GABRB3: variants seen among roughly 807,000 people sequenced by gnomAD.
GABRB3 encodes gamma-aminobutyric acid type A receptor subunit beta3, also known as gamma-aminobutyric acid receptor subunit beta-3.
In GABRB3, 14 loss-of-function variants were observed where a neutral mutation model predicts 52.1. The ratio of observed to expected loss-of-function variants is 0.27; its 90% CI spans 0.18 to 0.42. GABRB3 has a LOEUF of 0.42. Ranked by LOEUF, GABRB3 falls within the 10% of genes least tolerant of loss-of-function variation. The probability of loss-of-function intolerance (pLI) is 1.00; values close to 1 mark genes in which losing one functional copy is unlikely to be tolerated. For synonymous variants in GABRB3, 260 were observed against 232.3 expected, an observed-to-expected ratio of 1.12 and a Z score of -1.08; for missense variants, 307 against 609.1, an observed-to-expected ratio of 0.50 and a Z score of 5.22.
At chr15:26,701,645 G>A (rs1888939287) in intron 3 of GABRB3, among the ~76,000 whole-genome samples, 2 of 152,144 alleles carry the variant, frequency 1.3e-5, no homozygotes, top group African/African-American at 4.8e-5. Context: ...TATTGCTAAG[G>A]TGTCAATTCT....
chr15:26,772,162 G>A, intron 3 of GABRB3: 1 of 443,394 alleles, frequency 2.3e-6, no homozygotes, highest in South Asian at 3.7e-5. Context: ...GGCCGGCCAG[G>A]ACTCCCCCGC....
chr15:26,675,181 C>T (rs1888028393), intron 3 of GABRB3, among the ~76,000 whole-genome samples: 1 of 152,160 alleles, frequency 6.6e-6, no homozygotes, highest in Admixed American at 6.6e-5. Flanking sequence ...CATAGCACTG[C>T]TATTTCTTTT....
intron 3 of GABRB3, among the ~76,000 whole-genome samples, chr15:26,743,014 C>G (rs1479832450): frequency 1.3e-5 from 2 of 150,592 alleles, no homozygotes; most frequent in East Asian, 3.9e-4. Flanking sequence ...ACTGCAACCT[C>G]CGCCTCCCGG....
At position 26,685,485 on chromosome 15, in the gene GABRB3, A is replaced by G. The variant is rs752865404; in HGVS notation, c.241-63951T>C. ...TGGATCTGTTTTCTATATTTCTGAAAATACTTCACCAAGCATTTGTGTTAT... is the reference window on the plus strand; with the variant it reads ...TGGATCTGTTTTCTATATTTCTGAAGATACTTCACCAAGCATTTGTGTTAT... On this transcript the variant is annotated intron_variant, in intron 3 of 8. Transcript: ENST00000311550. Among the ~76,000 whole-genome samples, 36 of 152,316 alleles carry G rather than the reference A, an allele frequency of 2.4e-4. 1 individual carries two copies. The Middle Eastern group carries it at 0.017, about 72-fold the overall frequency.
intron 4 of GABRB3, among the ~76,000 whole-genome samples, chr15:26,595,619 T>G (rs538503458): frequency 6.6e-6 from 1 of 152,186 alleles, no homozygotes; most frequent in Non-Finnish European, 1.5e-5. Flanking sequence ...AGCTTTTTAG[T>G]CTGCCACTTT....
At chr15:26,563,128 T>C (rs550999087) in intron 7 of GABRB3, among the ~76,000 whole-genome samples, 1 of 152,350 alleles carries the variant, frequency 6.6e-6, no homozygotes, top group South Asian at 2.1e-4. Flanking sequence ...CGCTTTGCTT[T>C]AGTCACGACT....
intron 4 of GABRB3, chr15:26,614,474 T>C (rs1192138346): frequency 6.6e-6 from 1 of 152,162 alleles, no homozygotes; most frequent in Non-Finnish European, 1.5e-5. Flanking sequence ...GGCATCACAA[T>C]CCTAAAGCTA....
At chr15:26,594,172 T>C (rs902274056) in intron 4 of GABRB3, among the ~76,000 whole-genome samples, 3 of 151,400 alleles carry the variant, frequency 2.0e-5, no homozygotes, top group Admixed American at 2.0e-4. Flanking sequence ...AATAAAGAGA[T>C]TATTTAAAGT....
At chr15:26,616,853 TAC>T (rs1284134394) in intron 4 of GABRB3, among the ~76,000 whole-genome samples, 2 of 152,202 alleles carry the variant, frequency 1.3e-5, no homozygotes, top group Admixed American at 1.3e-4. Context: ...TGGAATTTAT[TAC>T]AGAGCTTTTT....
chr15:26,758,589 T>G (rs1278155836), intron 3 of GABRB3, among the ~76,000 whole-genome samples: 2 of 152,094 alleles, frequency 1.3e-5, no homozygotes, highest in Non-Finnish European at 2.9e-5. Flanking sequence ...ATCTGCCCCA[T>G]TAATTGACCT....
chr15:26,768,994 T>C (rs1241756440), intron 3 of GABRB3, among the ~76,000 whole-genome samples: 2 of 152,236 alleles, frequency 1.3e-5, no homozygotes, highest in Non-Finnish European at 2.9e-5. Flanking sequence ...CATGCTTAAC[T>C]GATCTATATA....
intron 3 of GABRB3, among the ~76,000 whole-genome samples, chr15:26,767,852 C>T (rs181881357): frequency 2.4e-4 from 36 of 152,268 alleles, no homozygotes; most frequent in Admixed American, 1.6e-3. Context: ...TCCTCTTTGC[C>T]CCTCTTCTAA....
At chr15:26,677,054 A>C (rs890317) in intron 3 of GABRB3, among the ~76,000 whole-genome samples, 110,564 of 152,030 alleles carry the variant, frequency 0.73, 40,452 homozygotes, top group Admixed American at 0.8. Context: ...TTGAAATGGT[A>C]GCACATGGAA....
At chr15:26,585,075 T>C (rs998230049) in intron 4 of GABRB3, among the ~76,000 whole-genome samples, 10 of 152,056 alleles carry the variant, frequency 6.6e-5, no homozygotes, top group Non-Finnish European at 1.5e-5. Flanking sequence ...GTACAGCAAG[T>C]AGAGTTGAGG....
At chr15:26,744,861 G>C (rs970380955) in intron 3 of GABRB3, among the ~76,000 whole-genome samples, 2 of 152,124 alleles carry the variant, frequency 1.3e-5, no homozygotes, top group African/African-American at 2.4e-5. Flanking sequence ...GTGTATACGT[G>C]TGTGTGTTTG....
chr15:26,765,030 T>C (rs1890957337), intron 3 of GABRB3, among the ~76,000 whole-genome samples: 2 of 146,992 alleles, frequency 1.4e-5, no homozygotes, highest in Admixed American at 7.0e-5. Context: ...CTTGGGAGGC[T>C]GAGGCAGGAG....
rs532486019 is a variant in GABRB3, at chr15:26,746,820, T to A, written c.240+25582A>T. Among the ~76,000 whole-genome samples the A allele has an allele frequency of 2.6e-3, 391 of 152,106 alleles. 2 individuals carry two copies. The highest frequency in any genetic ancestry group is 3.2e-3 in the Non-Finnish European group (216 of 67,988). On this transcript the variant is annotated intron_variant, in intron 3 of 8. Coordinates refer to ENST00000311550, the MANE Select transcript of GABRB3 (RefSeq NM_000814.6). ...GGCTAACACGGTGAAACCCCATCTC[T>A]ACTAAAAATACAAAAAATTAGCCGG...
chr15:26,631,639 C>G (rs1383689984), intron 3 of GABRB3, among the ~76,000 whole-genome samples: 2 of 152,186 alleles, frequency 1.3e-5, no homozygotes, highest in East Asian at 3.9e-4. Context: ...GTGGTGGTGA[C>G]TTCCTTTGTA....
intron 3 of GABRB3, among the ~76,000 whole-genome samples, chr15:26,708,555 G>A (rs531064047): frequency 6.6e-6 from 1 of 152,324 alleles, no homozygotes; most frequent in East Asian, 1.9e-4. Flanking sequence ...GGAGCTATAT[G>A]GGAGGGGGTG....
Sources: allele counts gnomAD v4.1 joint callset (sites outside exome capture counted in the v4.1 genomes callset), GRCh38; gene constraint gnomAD v4.1.1; transcripts MANE v1.5; gene names NCBI Gene and HGNC (gene_info 2026-07-23, HGNC 2026-07-21).